GLIS3: variants seen among roughly 807,000 people sequenced by gnomAD.
GLIS3 encodes the protein GLIS family zinc finger 3.
A neutral mutation model predicts 78.6 loss-of-function variants in GLIS3; 53 were observed. The observed-to-expected ratio is 0.67, with a 90% CI of 0.54 to 0.85. The LOEUF is 0.85. GLIS3 is among the 40% of genes least tolerant of loss of function. GLIS3 has a pLI of 0.00. For synonymous variants in GLIS3, 684 were observed against 509.9 expected, an observed-to-expected ratio of 1.34 and a Z score of -4.60; for missense variants, 1,703 against 1,231.1, an observed-to-expected ratio of 1.38 and a Z score of -5.74.
intron 6 of GLIS3, among the ~76,000 whole-genome samples, chr9:3,917,848 G>C (rs183184944): frequency 1.3e-5 from 2 of 151,906 alleles, no homozygotes; most frequent in South Asian, 2.1e-4. Context: ...ACATATAATG[G>C]GAGTGAAGTG....
At chr9:4,434,546 G>T in the GLIS3 span, among the ~76,000 whole-genome samples, 1 of 152,304 alleles carries the variant, frequency 6.6e-6, no homozygotes, top group East Asian at 1.9e-4. Flanking sequence ...TGATTATGGA[G>T]TGTTGTGTAT....
chr9:4,007,903 G>GTA (rs1821689257), intron 4 of GLIS3, among the ~76,000 whole-genome samples: 1 of 147,862 alleles, frequency 6.8e-6, no homozygotes, highest in African/African-American at 2.5e-5. Context: ...GCGTTGGGGG[G>GTA]GGGGGGTTAC....
In GLIS3 at chr9:4,132,981, G is replaced by T. The variant is rs1023747658; in HGVS notation, c.389-7040C>A. On this transcript the variant is annotated intron_variant, in intron 2 of 10. Transcript: ENST00000381971. Reference sequence around the variant, plus strand: ...TAAGGTTGTTCTGAGGATTAAAAGGGTTAGTAAATATCAATATATGCCTCA... The same window carrying T: ...TAAGGTTGTTCTGAGGATTAAAAGGTTTAGTAAATATCAATATATGCCTCA... Among the ~76,000 whole-genome samples, 7 of 152,122 alleles carry T rather than the reference G, an allele frequency of 4.6e-5. No homozygotes were observed. In the South Asian group the frequency reaches 6.2e-4, roughly 14 times the overall value.
chr9:3,859,393 AC>A, intron 8 of GLIS3, among the ~76,000 whole-genome samples: 1 of 110,552 alleles, frequency 9.0e-6, no homozygotes, highest in Admixed American at 9.7e-5. Flanking sequence ...ACACACACAC[AC>A]ACACACATCA....
chr9:4,483,211 A>T, the GLIS3 span, among the ~76,000 whole-genome samples: 3,995 of 88,386 alleles, frequency 0.045, 172 homozygotes, highest in African/African-American at 0.23. Flanking sequence ...TAGGCAGAGA[A>T]ATGCCGTAAA....
At chr9:3,992,811 T>C (rs777486356) in intron 4 of GLIS3, among the ~76,000 whole-genome samples, 20 of 152,224 alleles carry the variant, frequency 1.3e-4, no homozygotes, top group Non-Finnish European at 2.9e-5. Flanking sequence ...TGACATCTAA[T>C]AATCTCTACC....
At chr9:3,888,013 A>T (rs1588154884) in intron 7 of GLIS3, among the ~76,000 whole-genome samples, 1 of 152,124 alleles carries the variant, frequency 6.6e-6, no homozygotes, top group South Asian at 2.1e-4. Context: ...CATGACACAG[A>T]AAGTCAGTAA....
At chr9:4,372,172 GAAGA>G in the GLIS3 span, among the ~76,000 whole-genome samples, 2 of 152,200 alleles carry the variant, frequency 1.3e-5, no homozygotes, top group Non-Finnish European at 2.9e-5. Flanking sequence ...AATTCCAGAT[GAAGA>G]AAGAGAGAGT....
the GLIS3 span, among the ~76,000 whole-genome samples, chr9:4,382,148 G>C: frequency 6.6e-6 from 1 of 152,182 alleles, no homozygotes; most frequent in Non-Finnish European, 1.5e-5. Context: ...AAAATCTGTA[G>C]TAAATCCCTT....
chr9:4,381,840 T>C, the GLIS3 span, among the ~76,000 whole-genome samples: 2 of 152,066 alleles, frequency 1.3e-5, no homozygotes, highest in African/African-American at 2.4e-5. Context: ...TATACTCTCT[T>C]TGTTTCTGCT....
intron 2 of GLIS3, among the ~76,000 whole-genome samples, chr9:4,344,070 T>C (rs1030722469): frequency 6.6e-6 from 1 of 152,088 alleles, no homozygotes; most frequent in Non-Finnish European, 1.5e-5. Context: ...AACCTAAAAC[T>C]CAGAAAGAAA....
At chr9:4,407,245 G>A in the GLIS3 span, among the ~76,000 whole-genome samples, 3 of 152,196 alleles carry the variant, frequency 2.0e-5, no homozygotes, top group Non-Finnish European at 4.4e-5. Flanking sequence ...TCCTTACGCA[G>A]AAGAATGAAA....
rs75122793 is a variant in GLIS3, at chr9:3,881,267, C to G, written c.2129-1672G>C. 4.6e-3 allele frequency among the ~76,000 whole-genome samples: 696 copies of G among 152,166 alleles called. 6 individuals are homozygous for G. Among genetic ancestry groups the G allele is most frequent in the Admixed American group, 8.3e-3 (127 of 15,282 alleles). On this transcript the variant is annotated intron_variant, in intron 7 of 10. Coordinates refer to ENST00000381971, the MANE Select transcript of GLIS3 (RefSeq NM_001042413.2). ...AGGTCATAGAGATACTATGAAAACA[C>G]AGCTAACTTTTTTTTTTCCTGCTTC...
At chr9:4,317,788 G>A (rs900759723) in intron 2 of GLIS3, among the ~76,000 whole-genome samples, 2 of 152,070 alleles carry the variant, frequency 1.3e-5, no homozygotes, top group African/African-American at 4.8e-5. Context: ...ATTTTGTCTG[G>A]GACCTAAAGA....
chr9:3,883,458 G>T (rs538070038), intron 7 of GLIS3, among the ~76,000 whole-genome samples: 1 of 152,260 alleles, frequency 6.6e-6, no homozygotes, highest in South Asian at 2.1e-4. Flanking sequence ...TTAACCTCAG[G>T]AAGAAAATCT....
intron 4 of GLIS3, among the ~76,000 whole-genome samples, chr9:3,963,310 A>G (rs1817702819): frequency 6.6e-6 from 1 of 152,194 alleles, no homozygotes; most frequent in Admixed American, 6.5e-5. Context: ...ATGTTCACAC[A>G]TCCCCTGCAC....
chr9:3,891,108 G>C (rs867339887), intron 7 of GLIS3, among the ~76,000 whole-genome samples: 1 of 151,128 alleles, frequency 6.6e-6, no homozygotes, highest in South Asian at 2.1e-4. Context: ...GGAGGAAGAG[G>C]AGGAGGAGGA....
At chr9:4,459,989 T>C in the GLIS3 span, among the ~76,000 whole-genome samples, 1 of 152,194 alleles carries the variant, frequency 6.6e-6, no homozygotes, top group Non-Finnish European at 1.5e-5. Flanking sequence ...AGTAGAATAA[T>C]AGAGGCACAC....
intron 2 of GLIS3, among the ~76,000 whole-genome samples, chr9:4,137,833 C>A (rs1022065729): frequency 1.3e-5 from 2 of 152,168 alleles, no homozygotes; most frequent in African/African-American, 4.8e-5. Flanking sequence ...AAATAAAGTT[C>A]ACCAACAATT....
Sources: gnomAD v4.1 joint callset for allele counts (sites outside exome capture counted in the v4.1 genomes callset) on GRCh38, gnomAD v4.1.1 for gene constraint, MANE v1.5 for transcripts, NCBI Gene and HGNC (gene_info 2026-07-23, HGNC 2026-07-21) for gene names.